The following GPC6 variants were observed in gnomAD, a reference collection of about 807,000 sequenced individuals.
The protein encoded by GPC6 is glypican 6, also known as glypican-6.
Under a neutral mutation model 55.2 loss-of-function variants are expected in GPC6, and 14 were observed. That is an observed-to-expected ratio of 0.25 (90% confidence interval 0.17 to 0.40). The LOEUF (loss-of-function observed/expected upper bound fraction) is 0.40, where lower values mean the gene tolerates loss of function less well. Ranked by LOEUF, GPC6 falls within the 10% of genes least tolerant of loss-of-function variation. The pLI is 1.00. For synonymous variants in GPC6, 278 were observed against 259.6 expected, an observed-to-expected ratio of 1.07 and a Z score of -0.68; for missense variants, 641 against 708.5, an observed-to-expected ratio of 0.90 and a Z score of 1.08.
intron 2 of GPC6, among the ~76,000 whole-genome samples, chr13:93,670,733 G>GT (rs1881325739): frequency 6.6e-6 from 1 of 152,262 alleles, no homozygotes; most frequent in South Asian, 2.1e-4. Flanking sequence ...CTCAGTAACG[G>GT]TTTTACAATT....
intron 1 of GPC6, among the ~76,000 whole-genome samples, chr13:93,537,997 A>T (rs1882126915): frequency 1.3e-5 from 2 of 152,226 alleles, no homozygotes. Flanking sequence ...GCACTTTCAT[A>T]CTGAGTGAAG....
chr13:94,028,264 C>CA lies in GPC6; in HGVS notation c.877+382dup, dbSNP rs199814666. Among the ~76,000 whole-genome samples, 877 of 139,980 alleles carry CA rather than the reference C, an allele frequency of 6.3e-3. 6 individuals carry two copies. Among genetic ancestry groups the CA allele is most frequent in the African/African-American group, 0.018 (680 of 38,318 alleles). 91.8% of individuals were successfully genotyped at this position (139,980 alleles called of 152,430 possible). A position where few individuals can be genotyped will look rare whatever the true frequency, so the allele number is the denominator to read the frequency against. On this transcript the variant is annotated intron_variant, in intron 4 of 8. Transcript: ENST00000377047. ...TGGGTGACAGAGTGGGACCCTGTCT[C>CA]AAAAAAAAAAAATGTTATGATGACT...
intron 2 of GPC6, among the ~76,000 whole-genome samples, chr13:93,567,081 G>C (rs961953131): frequency 6.6e-6 from 1 of 152,164 alleles, no homozygotes; most frequent in Non-Finnish European, 1.5e-5. Flanking sequence ...TATATACCCA[G>C]TAATGGGATC....
At chr13:93,990,986 AAGTT>A (rs934976978) in intron 3 of GPC6, among the ~76,000 whole-genome samples, 9 of 150,820 alleles carry the variant, frequency 6.0e-5, no homozygotes, top group African/African-American at 9.9e-5. Flanking sequence ...GGAAGGAAGG[AAGTT>A]AGTTCTCAGT....
chr13:94,288,682 T>C (rs9524403), intron 5 of GPC6, among the ~76,000 whole-genome samples: 2,161 of 144,106 alleles, frequency 0.015, 26 homozygotes, highest in East Asian at 0.037. Flanking sequence ...TGCAATTCTC[T>C]ATCACAGAAA....
At chr13:94,204,753 A>G (rs533263523) in intron 4 of GPC6, among the ~76,000 whole-genome samples, 2 of 152,326 alleles carry the variant, frequency 1.3e-5, no homozygotes, top group East Asian at 1.9e-4. Context: ...TGTCACTAGA[A>G]TTAATCATAT....
chr13:94,242,069 T>TC (rs1891070093), intron 4 of GPC6, among the ~76,000 whole-genome samples: 1 of 144,530 alleles, frequency 6.9e-6, no homozygotes, highest in African/African-American at 2.5e-5. Context: ...CCCTCCCCAC[T>TC]CCCCCCACCC....
At chr13:94,032,003 A>G (rs1194841387) in intron 4 of GPC6, among the ~76,000 whole-genome samples, 4 of 152,196 alleles carry the variant, frequency 2.6e-5, no homozygotes, top group African/African-American at 9.7e-5. Context: ...AGAGATTTCT[A>G]AAAGATGTTG....
At chr13:93,948,858 T>C (rs1210469619) in intron 3 of GPC6, among the ~76,000 whole-genome samples, 1 of 152,208 alleles carries the variant, frequency 6.6e-6, no homozygotes, top group African/African-American at 2.4e-5. Flanking sequence ...GGTTTGCTTG[T>C]TTTTTGTTTG....
At chr13:94,160,955 T>C (rs9584192) in intron 4 of GPC6, among the ~76,000 whole-genome samples, 2,860 of 152,310 alleles carry the variant, frequency 0.019, 104 homozygotes, top group African/African-American at 0.065. Flanking sequence ...AGTACTGTGA[T>C]AAATCGTATT....
chr13:93,637,003 C>T (rs1879729267), intron 2 of GPC6, among the ~76,000 whole-genome samples: 1 of 150,928 alleles, frequency 6.6e-6, no homozygotes, highest in East Asian at 2.0e-4. Context: ...TAGGTTATAG[C>T]TTAAAGAAAA....
At chr13:93,784,384 G>C (rs9524210) in intron 2 of GPC6, among the ~76,000 whole-genome samples, 99,416 of 151,978 alleles carry the variant, frequency 0.65, 32,991 homozygotes, top group East Asian at 0.81. Flanking sequence ...CAATTCTACA[G>C]TACTAGGGCC....
intron 2 of GPC6, among the ~76,000 whole-genome samples, chr13:93,712,000 A>G (rs1883085324): frequency 6.6e-6 from 1 of 151,614 alleles, no homozygotes; most frequent in African/African-American, 2.4e-5. Flanking sequence ...TTCCCTCCCT[A>G]CTGATGCATG....
At chr13:94,128,002 A>C (rs1478969666) in intron 4 of GPC6, among the ~76,000 whole-genome samples, 1 of 152,196 alleles carries the variant, frequency 6.6e-6, no homozygotes, top group African/African-American at 2.4e-5. Flanking sequence ...TACAGTCCAC[A>C]GTCATGATTA....
chr13:93,449,069 T>C (rs1481360228), intron 1 of GPC6, among the ~76,000 whole-genome samples: 1 of 152,220 alleles, frequency 6.6e-6, no homozygotes. Flanking sequence ...TTGAGCCAAA[T>C]ACCCATGACT....
At chr13:94,117,749 T>C (rs1886481606) in intron 4 of GPC6, among the ~76,000 whole-genome samples, 1 of 152,134 alleles carries the variant, frequency 6.6e-6, no homozygotes, top group Admixed American at 6.6e-5. Context: ...GTTCTGCCTA[T>C]AGGATGCCCC....
At chr13:93,793,592 A>G (rs1300943161) in intron 2 of GPC6, among the ~76,000 whole-genome samples, 3 of 152,174 alleles carry the variant, frequency 2.0e-5, no homozygotes, top group Non-Finnish European at 4.4e-5. Context: ...ACAAATATTA[A>G]TATCTTATGT....
chr13:93,574,936 T>C (rs1876586025), intron 2 of GPC6, among the ~76,000 whole-genome samples: 1 of 152,194 alleles, frequency 6.6e-6, no homozygotes, highest in Non-Finnish European at 1.5e-5. Context: ...AATCTATGTA[T>C]AGTGACAAAC....
intron 1 of GPC6, among the ~76,000 whole-genome samples, chr13:93,526,084 C>T (rs1881636039): frequency 6.6e-6 from 1 of 152,058 alleles, no homozygotes; most frequent in Non-Finnish European, 1.5e-5. Context: ...GACACTTGTT[C>T]AGCATCCAGC....
Sources: allele counts gnomAD v4.1 joint callset (sites outside exome capture counted in the v4.1 genomes callset), GRCh38; gene constraint gnomAD v4.1.1; transcripts MANE v1.5; gene names NCBI Gene and HGNC (gene_info 2026-07-23, HGNC 2026-07-21).